Variants in HS6ST1 observed in about 807,000 individuals in gnomAD.
HS6ST1 encodes the protein heparan-sulfate 6-O-sulfotransferase 1.
In HS6ST1, 3 loss-of-function variants were observed where a neutral mutation model predicts 25.2. The ratio of observed to expected loss-of-function variants is 0.12; its 90% confidence interval spans 0.05 to 0.31. The LOEUF (loss-of-function observed/expected upper bound fraction) is 0.31, where lower values mean the gene tolerates loss of function less well. HS6ST1 is among the 10% of genes least tolerant of loss of function. The pLI is 1.00. For missense variants in HS6ST1, 310 were observed against 609.6 expected (o/e 0.51, Z 5.18); for synonymous variants, 204 against 275.1 (o/e 0.74, Z 2.56).
chr2:128,297,005 T>A (rs1286086985), intron 1 of HS6ST1, among the ~76,000 whole-genome samples: 2 of 152,132 alleles, frequency 1.3e-5, no homozygotes, highest in African/African-American at 4.8e-5. Flanking sequence ...AAGGCTGCAG[T>A]GAGCCAGGTT....
chr2:128,275,490 C>T (rs1044147437), intron 1 of HS6ST1, among the ~76,000 whole-genome samples: 4 of 152,160 alleles, frequency 2.6e-5, no homozygotes, highest in Admixed American at 1.3e-4. Context: ...AAAGAGAAAG[C>T]GGATCTGCTG....
At chr2:128,315,134 T>A (rs1056455267) in intron 1 of HS6ST1, among the ~76,000 whole-genome samples, 1 of 152,166 alleles carries the variant, frequency 6.6e-6, no homozygotes, top group Non-Finnish European at 1.5e-5. Context: ...CTGGCTGATG[T>A]CGGCAGATGA....
chr2:128,301,645 G>A (rs907973790), intron 1 of HS6ST1, among the ~76,000 whole-genome samples: 51 of 152,338 alleles, frequency 3.3e-4, no homozygotes, highest in African/African-American at 1.2e-3. Context: ...TACTGCTGGG[G>A]ATGTGTGTAT....
intron 1 of HS6ST1, among the ~76,000 whole-genome samples, chr2:128,296,578 A>C (rs1471078296): frequency 6.6e-6 from 1 of 152,256 alleles, no homozygotes; most frequent in Admixed American, 6.5e-5. Context: ...AGCAACAAAC[A>C]ATACAAGAAG....
chr2:128,270,328 T>G (rs1013899906), intron 1 of HS6ST1, among the ~76,000 whole-genome samples: 4 of 152,154 alleles, frequency 2.6e-5, no homozygotes, highest in African/African-American at 9.7e-5. Context: ...GCAGATAAGC[T>G]GTGGGCAGCA....
At chr2:128,276,093 C>T (rs534270240) in intron 1 of HS6ST1, among the ~76,000 whole-genome samples, 15 of 152,336 alleles carry the variant, frequency 9.8e-5, no homozygotes, top group Admixed American at 3.3e-4. Flanking sequence ...AAACAAATCC[C>T]CAGAAAACAC....
intron 1 of HS6ST1, among the ~76,000 whole-genome samples, chr2:128,312,539 A>G (rs1200484941): frequency 6.6e-6 from 1 of 152,130 alleles, no homozygotes; most frequent in Non-Finnish European, 1.5e-5. Flanking sequence ...GGTGATGGGC[A>G]CCCAGAGAGG....
chr2:128,308,248 C>T (rs1171829545), intron 1 of HS6ST1, among the ~76,000 whole-genome samples: 1 of 152,174 alleles, frequency 6.6e-6, no homozygotes, highest in African/African-American at 2.4e-5. Context: ...ACCTGCGAGC[C>T]GCACCCAGCT....
intron 1 of HS6ST1, among the ~76,000 whole-genome samples, chr2:128,316,750 T>C (rs1573713570): frequency 6.6e-6 from 1 of 150,792 alleles, no homozygotes; most frequent in Admixed American, 6.6e-5. Context: ...GAAAGAAAAG[T>C]GGGAAGATGC....
At chr2:128,272,744 A>C (rs1440127526) in intron 1 of HS6ST1, among the ~76,000 whole-genome samples, 1 of 152,138 alleles carries the variant, frequency 6.6e-6, no homozygotes, top group African/African-American at 2.4e-5. Flanking sequence ...CACTTAGAGA[A>C]GCCGTGAGCA....
At chr2:128,290,824 A>AAC (rs1558874623) in intron 1 of HS6ST1, among the ~76,000 whole-genome samples, 1 of 125,598 alleles carries the variant, frequency 8.0e-6, no homozygotes, top group Non-Finnish European at 1.9e-5. Context: ...ATACAAAAAA[A>AAC]AAAAAAAAAA....
intron 1 of HS6ST1, among the ~76,000 whole-genome samples, chr2:128,270,910 C>T (rs1398352462): frequency 1.3e-5 from 2 of 152,236 alleles, no homozygotes; most frequent in Admixed American, 6.5e-5. Flanking sequence ...ACGCTGTGCA[C>T]AGTGCAGCAG....
intron 1 of HS6ST1, among the ~76,000 whole-genome samples, chr2:128,288,872 C>T (rs987219234): frequency 2.6e-5 from 4 of 151,856 alleles, no homozygotes; most frequent in Admixed American, 2.0e-4. Context: ...CTGGGGGTGT[C>T]CCTGGGACCC....
intron 1 of HS6ST1, among the ~76,000 whole-genome samples, chr2:128,286,096 G>T (rs550831116): frequency 6.6e-6 from 1 of 152,194 alleles, no homozygotes; most frequent in Non-Finnish European, 1.5e-5. Flanking sequence ...GGTGTGTGGC[G>T]TATGTAGGGA....
chr2:128,295,547 T>G (rs1387501282), intron 1 of HS6ST1, among the ~76,000 whole-genome samples: 1 of 152,222 alleles, frequency 6.6e-6, no homozygotes, highest in Admixed American at 6.5e-5. Context: ...TATCCTGATA[T>G]CAAAGCCAGA....
Position 128,268,146 on chromosome 2 carries a change from G to A in HS6ST1, c.*16C>T, listed in dbSNP as rs760365209. 7.2e-5 allele frequency: 114 copies of A among 1,577,722 alleles called. 1 individual carries two copies. The highest frequency in any genetic ancestry group is 4.5e-4 in the Middle Eastern group (2 of 4,450). On this transcript the variant is annotated 3_prime_UTR_variant, in exon 2 of 2. Transcript: ENST00000259241. ...CCCACACCCCCCAAGAGGCCTCCCC[G>A]TGGCCACCACCGCCACTACCACTTC...
At chr2:128,295,429 T>C (rs1284542133) in intron 1 of HS6ST1, among the ~76,000 whole-genome samples, 1 of 152,228 alleles carries the variant, frequency 6.6e-6, no homozygotes, top group Non-Finnish European at 1.5e-5. Flanking sequence ...TCCCAGCACA[T>C]GCTGGGACCT....
chr2:128,310,007 C>A (rs1558881335), intron 1 of HS6ST1, among the ~76,000 whole-genome samples: 1 of 152,228 alleles, frequency 6.6e-6, no homozygotes, highest in Admixed American at 6.5e-5. Context: ...CTGCCACCCC[C>A]CTTTTAGAGA....
intron 1 of HS6ST1, among the ~76,000 whole-genome samples, chr2:128,269,282 G>A (rs1693574028): frequency 6.6e-6 from 1 of 152,224 alleles, no homozygotes; most frequent in African/African-American, 2.4e-5. Flanking sequence ...GGTGGGCAGG[G>A]GCCAGCGAGG....
Sources: gnomAD v4.1 joint callset for allele counts (sites outside exome capture counted in the v4.1 genomes callset) on GRCh38, gnomAD v4.1.1 for gene constraint, MANE v1.5 for transcripts, NCBI Gene and HGNC (gene_info 2026-07-23, HGNC 2026-07-21) for gene names.